PCDH11X: variants seen among roughly 807,000 people sequenced by gnomAD.
PCDH11X encodes the protein protocadherin 11 X-linked.
A neutral mutation model predicts 53.3 loss-of-function variants in PCDH11X; 18 were observed. That is an observed-to-expected ratio of 0.34 (90% CI 0.23 to 0.50). The LOEUF (loss-of-function observed/expected upper bound fraction) is 0.50. PCDH11X is among the 20% of genes least tolerant of loss of function. PCDH11X has a pLI of 0.98. For synonymous variants in PCDH11X, 279 were observed against 393.3 expected (o/e 0.71, Z 3.44); for missense variants, 570 against 1,032.4 (o/e 0.55, Z 6.14).
intron 6 of PCDH11X, among the ~76,000 whole-genome samples, chrX:92,092,681 C>T (rs1161392709): frequency 2.7e-5 from 3 of 111,648 alleles, no homozygotes; most frequent in Non-Finnish European, 5.6e-5. Context: ...ATCAGATAGG[C>T]ATTTGTCTCA....
intron 6 of PCDH11X, among the ~76,000 whole-genome samples, chrX:92,007,903 G>C (rs1191030631): frequency 9.0e-6 from 1 of 110,873 alleles, no homozygotes; most frequent in African/African-American, 3.3e-5. Flanking sequence ...CAAGGCAGCA[G>C]GTTCCCTTCT....
chrX:92,513,003 A>G (rs766924400), intron 10 of PCDH11X, among the ~76,000 whole-genome samples: 4 of 110,715 alleles, frequency 3.6e-5, no homozygotes, highest in Non-Finnish European at 7.6e-5. Flanking sequence ...TAGGTCTTCA[A>G]TAAGGGTCAG....
At chrX:92,009,700 C>CTTTTT (rs68159170) in intron 6 of PCDH11X, among the ~76,000 whole-genome samples, 5 of 66,642 alleles carry the variant, frequency 7.5e-5, no homozygotes, top group Admixed American at 2.2e-4. Flanking sequence ...TGACTGTTGC[C>CTTTTT]TTTTTTTTTT....
In PCDH11X at chrX:92,053,249, C is replaced by T. The variant is rs946669192; in HGVS notation, c.3034-148126C>T. On this transcript the variant is annotated intron_variant, in intron 6 of 10. Transcript: ENST00000682573. ...TACTGGCATACGAATACATGCTTTA[C>T]GTGTATCCTGAGGCACAGGGTCCCA... is the stretch of plus-strand genomic sequence containing the variant. Among the ~76,000 whole-genome samples, 5 of 110,467 alleles carry T rather than the reference C, an allele frequency of 4.5e-5. No individual in the cohort carries two copies. The South Asian group carries it at 1.2e-3, about 25-fold the overall frequency.
intron 6 of PCDH11X, among the ~76,000 whole-genome samples, chrX:92,130,366 G>C (rs1273212454): frequency 9.0e-6 from 1 of 110,585 alleles, no homozygotes; most frequent in Non-Finnish European, 1.9e-5. Context: ...TATTATTGAG[G>C]CCGGGCACGG....
chrX:92,477,355 AGAG>A (rs1199088588), intron 10 of PCDH11X, among the ~76,000 whole-genome samples: 1 of 104,001 alleles, frequency 9.6e-6, no homozygotes, highest in Non-Finnish European at 2.0e-5. Context: ...TTCCAAAGGT[AGAG>A]GAGTTTCACC....
intron 8 of PCDH11X, among the ~76,000 whole-genome samples, chrX:92,379,650 A>G (rs1489515193): frequency 4.9e-4 from 54 of 109,244 alleles, no homozygotes; most frequent in African/African-American, 1.8e-3. Flanking sequence ...CCCGTTGGCC[A>G]GTTCCTCAGA....
chrX:92,103,618 A>G (rs768854049), intron 6 of PCDH11X, among the ~76,000 whole-genome samples: 2 of 111,949 alleles, frequency 1.8e-5, no homozygotes, highest in African/African-American at 6.5e-5. Flanking sequence ...GTGGGGTCCC[A>G]CACAGATGGG....
chrX:92,403,131 A>G (rs73245251), intron 9 of PCDH11X, among the ~76,000 whole-genome samples: 12,127 of 107,722 alleles, frequency 0.11, 544 homozygotes, highest in Middle Eastern at 0.13. Flanking sequence ...TAAATGATAA[A>G]CCAAAAATCA....
intron 7 of PCDH11X, among the ~76,000 whole-genome samples, chrX:92,256,705 C>T (rs60157814): frequency 0.06 from 6,682 of 110,515 alleles, 414 homozygotes; most frequent in African/African-American, 0.18. Context: ...TGATACTCTT[C>T]CTCCTCCCAC....
At chrX:92,529,318 A>G (rs936021173) in intron 10 of PCDH11X, among the ~76,000 whole-genome samples, 2 of 108,873 alleles carry the variant, frequency 1.8e-5, no homozygotes, top group African/African-American at 6.7e-5. Flanking sequence ...CTAACAGTGG[A>G]ACATGCCTGT....
chrX:92,278,168 T>C (rs2068152307), intron 8 of PCDH11X, among the ~76,000 whole-genome samples: 1 of 109,667 alleles, frequency 9.1e-6, no homozygotes, highest in African/African-American at 3.3e-5. Context: ...GAGAAAGAGG[T>C]TGAGGGATAG....
chrX:92,620,806 C>G lies in PCDH11X; in HGVS notation c.*1866C>G. On this transcript the variant is annotated 3_prime_UTR_variant, in exon 11 of 11. Transcript: ENST00000682573. ...TTAATAAAATTAATTAATGTTTTTT[C>G]TCCTTCGTGTTGTTAATGTTCCAAG... 1 of 108,101 alleles carries G rather than the reference C, an allele frequency of 9.3e-6. No homozygotes were observed. Among genetic ancestry groups the G allele is most frequent in the South Asian group, 3.9e-4 (1 of 2,541 alleles). 8.9% of individuals were successfully genotyped at this position (108,101 alleles called of 1,213,427 possible). A position where few individuals can be genotyped will look rare whatever the true frequency, so the allele number is the denominator to read the frequency against.
At chrX:92,373,124 A>C (rs781089405) in intron 8 of PCDH11X, among the ~76,000 whole-genome samples, 1 of 107,853 alleles carries the variant, frequency 9.3e-6, no homozygotes, top group South Asian at 4.0e-4. Flanking sequence ...GAGACAGGTC[A>C]ATAGAAGAAA....
At position 91,788,216 on chromosome X, in the gene PCDH11X, CTTGT is replaced by C. The variant is rs767651054; in HGVS notation, c.-379+8539_-379+8542del. 3.9e-4 allele frequency among the ~76,000 whole-genome samples: 43 copies of C among 111,434 alleles called. 1 individual carries two copies. The East Asian group carries it at 0.011, about 29-fold the overall frequency. On this transcript the variant is annotated intron_variant, in intron 1 of 10. Coordinates refer to ENST00000682573, the MANE Select transcript of PCDH11X (RefSeq NM_032968.5). ...ATCAGAAAGTTAAATGTATCCAAAA[CTTGT>C]TTGTTTTTTGTTGCAGTAAACAATT...
intron 9 of PCDH11X, among the ~76,000 whole-genome samples, chrX:92,433,638 T>G (rs5942250): frequency 0.48 from 52,460 of 108,519 alleles, 11,290 homozygotes; most frequent in East Asian, 0.73. Context: ...TGTAGAATAG[T>G]GTAAAAAACA....
intron 6 of PCDH11X, among the ~76,000 whole-genome samples, chrX:92,164,673 A>C (rs1417878282): frequency 9.3e-6 from 1 of 107,764 alleles, no homozygotes; most frequent in Non-Finnish European, 1.9e-5. Context: ...TTTTTTTGTA[A>C]TTCTGATGCA....
At chrX:92,569,186 G>A (rs1414600987) in intron 10 of PCDH11X, among the ~76,000 whole-genome samples, 1 of 108,691 alleles carries the variant, frequency 9.2e-6, no homozygotes, top group Non-Finnish European at 1.9e-5. Flanking sequence ...CTTAAATCCT[G>A]TTTCTTTTGC....
chrX:91,820,071 T>C (rs1241321423), intron 4 of PCDH11X, among the ~76,000 whole-genome samples: 1 of 92,758 alleles, frequency 1.1e-5, no homozygotes, highest in Non-Finnish European at 2.0e-5. Flanking sequence ...CAGTCTATCA[T>C]TGTTGGACAT....
Sources: gnomAD v4.1 joint callset for allele counts (sites outside exome capture counted in the v4.1 genomes callset) on GRCh38, gnomAD v4.1.1 for gene constraint, MANE v1.5 for transcripts, NCBI Gene and HGNC (gene_info 2026-07-23, HGNC 2026-07-21) for gene names.